Variants in PCDHGB7 observed in about 807,000 individuals in gnomAD.
PCDHGB7 encodes protocadherin gamma-B7.
In PCDHGB7, 37 loss-of-function variants were observed where a neutral mutation model predicts 61.4. The observed-to-expected ratio is 0.60, with a 90% CI of 0.46 to 0.79. The LOEUF (loss-of-function observed/expected upper bound fraction) is 0.79, where lower values mean the gene tolerates loss of function less well. Among genes scored for constraint, PCDHGB7 ranks in the 30% least tolerant of loss-of-function variants. PCDHGB7 has a pLI of 0.00. For synonymous variants in PCDHGB7, 464 were observed against 503.5 expected, an observed-to-expected ratio of 0.92 and a Z score of 1.05; for missense variants, 1,166 against 1,202.5, an observed-to-expected ratio of 0.97 and a Z score of 0.45.
In PCDHGB7 at chr5:141,418,608, GC is replaced by G. The variant is rs1422456031; in HGVS notation, c.751del (p.Leu251PhefsTer12). On this transcript the variant is annotated frameshift_variant, in exon 1 of 4. Transcript: ENST00000398594. LOFTEE classifies it high-confidence loss of function. ...PVFSQDVYRVSLREDVPPGTS... is the reference protein window; with the variant it reads ...PVFSQDVYRVXLREDVPPGTS... Reference sequence around the variant, plus strand: ...TTCAGCCAGGACGTGTACAGGGTTAGCCTTCGGGAAGACGTGCCTCCAGGCA... The same window carrying G: ...TTCAGCCAGGACGTGTACAGGGTTAGCTTCGGGAAGACGTGCCTCCAGGCA... 4 of 1,613,922 alleles carry G rather than the reference GC, an allele frequency of 2.5e-6. No individual in the cohort carries two copies. In the African/African-American group the frequency reaches 5.3e-5, roughly 22 times the overall value.
chr5:141,491,845 G>A lies in PCDHGB7; in HGVS notation c.2416-2962G>A. 6.8e-7 allele frequency: 1 copy of A among 1,463,944 alleles called. No homozygotes were observed. The highest frequency in any genetic ancestry group is 9.0e-7 in the Non-Finnish European group (1 of 1,106,126). 90.7% of individuals were successfully genotyped at this position (1,463,944 alleles called of 1,614,324 possible). ...CTCCACCCGATTCTCGGGATCATTGGACCGTTTGCGCGAAACCAGAGTGGC... is the reference window on the plus strand; with the variant it reads ...CTCCACCCGATTCTCGGGATCATTGAACCGTTTGCGCGAAACCAGAGTGGC... On this transcript the variant is annotated intron_variant, in intron 1 of 3. Coordinates refer to ENST00000398594, the MANE Select transcript of PCDHGB7 (RefSeq NM_018927.4). This position sits in a 1 kb window ranked among gnomAD's most constrained non-coding sequence, Gnocchi z 6.9.
chr5:141,455,905 T>TTATG (rs2098836561), intron 1 of PCDHGB7, among the ~76,000 whole-genome samples: 1 of 148,340 alleles, frequency 6.7e-6, no homozygotes, highest in Admixed American at 6.7e-5. Flanking sequence ...ATTTATTTAT[T>TTATG]TATTTATTTT....
intron 1 of PCDHGB7, chr5:141,426,732 C>T (rs576525011): frequency 2.7e-4 from 123 of 448,642 alleles, no homozygotes; most frequent in African/African-American, 2.2e-3. Context: ...TCCAGGCATT[C>T]GGTTTGGCCT....
chr5:141,431,607 A>G lies in PCDHGB7; in HGVS notation c.2415+11333A>G. ...GCGGAAGTGAGGTATTCCTTCCGGT[A>G]TGTGGACGACAAGGCGGCCCAAGTT... is the stretch of plus-strand genomic sequence containing the variant. On this transcript the variant is annotated intron_variant, in intron 1 of 3. Transcript: ENST00000398594. The surrounding 1 kb of genome is among the most constrained non-coding windows in gnomAD (Gnocchi z 4.8). 6.2e-7 allele frequency: 1 copy of G among 1,614,230 alleles called. No individual in the cohort carries two copies. Among genetic ancestry groups the G allele is most frequent in the Non-Finnish European group, 8.5e-7 (1 of 1,180,040 alleles).
At chr5:141,442,664 G>A (rs1289986124) in intron 1 of PCDHGB7, among the ~76,000 whole-genome samples, 2 of 152,342 alleles carry the variant, frequency 1.3e-5, no homozygotes, top group East Asian at 1.9e-4. Flanking sequence ...TATTTGGCAT[G>A]GTGAGCTTGA....
chr5:141,427,111 C>G (rs1324091636), intron 1 of PCDHGB7: 7 of 457,560 alleles, frequency 1.5e-5, no homozygotes, highest in South Asian at 1.1e-4. Context: ...GCGGAGATCA[C>G]CTACTCTTTC....
intron 2 of PCDHGB7, among the ~76,000 whole-genome samples, chr5:141,497,219 A>G (rs974609491): frequency 6.7e-6 from 1 of 149,602 alleles, no homozygotes; most frequent in South Asian, 2.1e-4. Context: ...TGGGGGGGGG[A>G]AGATCAGAGA....
At position 141,477,262 on chromosome 5, in the gene PCDHGB7, C is replaced by G; in HGVS notation, c.2416-17545C>G. On this transcript the variant is annotated intron_variant, in intron 1 of 3. Coordinates refer to ENST00000398594, the MANE Select transcript of PCDHGB7 (RefSeq NM_018927.4). The surrounding 1 kb of genome is among the most constrained non-coding windows in gnomAD (Gnocchi z 4.9). ...TCAGTGTGACTGACCTGGATGCTGG[C>G]GAGAACGGGCTGGTGACCTGCGAAG... The G allele has an allele frequency of 6.2e-7, 1 of 1,614,138 alleles. No homozygotes were observed.
chr5:141,505,520 C>T, intron 3 of PCDHGB7, 39 bp downstream of exon 3: 1 of 1,612,650 alleles, frequency 6.2e-7, no homozygotes, highest in Non-Finnish European at 8.5e-7. Flanking sequence ...AGTGGGAGAC[C>T]TGGGGTTCTG....
In PCDHGB7 at chr5:141,432,887, T is replaced by G. The variant is rs146168033; in HGVS notation, c.2415+12613T>G. 2.8e-4 allele frequency: 451 copies of G among 1,614,156 alleles called. No individual in the cohort carries two copies. In the African/African-American group the frequency reaches 4.6e-3, roughly 17 times the overall value. ...CTGCGTCTTCCTGGCCTTCGTCATC[T>G]TGCTGCTGGCGCTCAGGCTGCGGCG... is the stretch of plus-strand genomic sequence containing the variant. On this transcript the variant is annotated intron_variant, in intron 1 of 3. Transcript: ENST00000398594. The surrounding 1 kb of genome is among the most constrained non-coding windows in gnomAD (Gnocchi z 6.0).
intron 1 of PCDHGB7, chr5:141,421,710 A>G (rs781498853): frequency 1.2e-6 from 2 of 1,613,940 alleles, no homozygotes; most frequent in South Asian, 2.2e-5. Flanking sequence ...CTAGGGATCC[A>G]GATGTGGGCG....
chr5:141,431,474 G>A lies in PCDHGB7; in HGVS notation c.2415+11200G>A, dbSNP rs747313827. 2 of 1,613,842 alleles carry A rather than the reference G, an allele frequency of 1.2e-6. No homozygotes were observed. Among genetic ancestry groups the A allele is most frequent in the East Asian group, 4.5e-5 (2 of 44,886 alleles). ...GATGGTTCTGGATGCGAACGACAACGCACCAGCGTTTGCTCAGCCCGAGTA... is the reference window on the plus strand; with the variant it reads ...GATGGTTCTGGATGCGAACGACAACACACCAGCGTTTGCTCAGCCCGAGTA... On this transcript the variant is annotated intron_variant, in intron 1 of 3. Coordinates refer to ENST00000398594, the MANE Select transcript of PCDHGB7 (RefSeq NM_018927.4). This position sits in a 1 kb window ranked among gnomAD's most constrained non-coding sequence, Gnocchi z 4.8.
At chr5:141,445,148 C>T (rs1051995635) in intron 1 of PCDHGB7, among the ~76,000 whole-genome samples, 3 of 152,092 alleles carry the variant, frequency 2.0e-5, no homozygotes, top group Non-Finnish European at 4.4e-5. Context: ...TCTAATTGTT[C>T]ATTTCTAGTT....
Position 141,489,268 on chromosome 5 carries a change from G to T in PCDHGB7, c.2416-5539G>T. On this transcript the variant is annotated intron_variant, in intron 1 of 3. Transcript: ENST00000398594. This position sits in a 1 kb window ranked among gnomAD's most constrained non-coding sequence, Gnocchi z 4.5. The stretch of plus-strand genomic sequence containing the variant: ...GGGGCCCAAGACACTCCCACAGCTC[G>T]CTGGGAAATGGCAAGTGCTGTGCAT... The T allele has an allele frequency of 3.9e-6, 6 of 1,553,284 alleles. No homozygotes were observed. The South Asian group carries it at 5.0e-5, about 13-fold the overall frequency.
At chr5:141,422,705 C>T (rs371027437) in intron 1 of PCDHGB7, 2 of 1,602,706 alleles carry the variant, frequency 1.2e-6, no homozygotes, top group South Asian at 1.1e-5. Context: ...TACTCTCTGA[C>T]GGATGACACT....
intron 1 of PCDHGB7, among the ~76,000 whole-genome samples, chr5:141,447,098 A>G (rs2098525979): frequency 6.6e-6 from 1 of 151,934 alleles, no homozygotes. Flanking sequence ...TTTCTTTCAC[A>G]TGATTATATG....
Position 141,432,830 on chromosome 5 carries a change from C to G in PCDHGB7, c.2415+12556C>G, listed in dbSNP as rs780093171. On this transcript the variant is annotated intron_variant, in intron 1 of 3. Coordinates refer to ENST00000398594, the MANE Select transcript of PCDHGB7 (RefSeq NM_018927.4). The surrounding 1 kb of genome is among the most constrained non-coding windows in gnomAD (Gnocchi z 6.0). ...TAACTCTGAAACCTCAGACCTCACT[C>G]TGTACCTGGTGGTAGCGGTGGCCGC... 4 of 1,614,208 alleles carry G rather than the reference C, an allele frequency of 2.5e-6. No individual in the cohort carries two copies. The highest frequency in any genetic ancestry group is 2.2e-5 in the East Asian group (1 of 44,874).
At position 141,477,761 on chromosome 5, in the gene PCDHGB7, AC is replaced by A. The variant is rs754006143; in HGVS notation, c.2416-17044del. ...CGATGGGGGCACCCCGGTCCTAGCC[AC>A]CAACATCAGCGTGAACATATTTGTC... On this transcript the variant is annotated intron_variant, in intron 1 of 3. Coordinates refer to ENST00000398594, the MANE Select transcript of PCDHGB7 (RefSeq NM_018927.4). This position sits in a 1 kb window ranked among gnomAD's most constrained non-coding sequence, Gnocchi z 4.9. 5 of 1,613,854 alleles carry A rather than the reference AC, an allele frequency of 3.1e-6. No homozygotes were observed. Among genetic ancestry groups the A allele is most frequent in the Non-Finnish European group, 4.2e-6 (5 of 1,180,044 alleles).
rs201704748 is a variant in PCDHGB7, at chr5:141,431,453, G to A, written c.2415+11179G>A. The A allele has an allele frequency of 5.7e-4, 914 of 1,613,802 alleles. 10 individuals are homozygous for A. The South Asian group carries it at 9.6e-3, about 17-fold the overall frequency. ...AGGCACCGCGCGCATCCGCGTGATG[G>A]TTCTGGATGCGAACGACAACGCACC... On this transcript the variant is annotated intron_variant, in intron 1 of 3. Coordinates refer to ENST00000398594, the MANE Select transcript of PCDHGB7 (RefSeq NM_018927.4). This position sits in a 1 kb window ranked among gnomAD's most constrained non-coding sequence, Gnocchi z 4.8.
Sources: allele counts gnomAD v4.1 joint callset (sites outside exome capture counted in the v4.1 genomes callset), GRCh38; gene constraint gnomAD v4.1.1; non-coding constraint Gnocchi (gnomAD v3.1); transcripts MANE v1.5; gene names NCBI Gene and HGNC (gene_info 2026-07-23, HGNC 2026-07-21).